AKT3: variants seen among roughly 807,000 people sequenced by gnomAD.
The protein encoded by AKT3 is AKT serine/threonine kinase 3.
Under a neutral mutation model 65.3 loss-of-function variants are expected in AKT3, and 15 were observed. That is an observed-to-expected ratio of 0.23 (90% CI 0.15 to 0.35). AKT3 has a LOEUF of 0.35. Ranked by LOEUF, AKT3 falls within the 10% of genes least tolerant of loss-of-function variation. The pLI, the probability that AKT3 is intolerant of heterozygous loss-of-function variation, is 1.00. For missense variants in AKT3, 243 were observed against 576.5 expected, an observed-to-expected ratio of 0.42 and a Z score of 5.92; for synonymous variants, 206 against 183.8, an observed-to-expected ratio of 1.12 and a Z score of -0.98.
chr1:243,496,010 A>T (rs1667763094), downstream of AKT3, among the ~76,000 whole-genome samples: 1 of 152,206 alleles, frequency 6.6e-6, no homozygotes, highest in Admixed American at 6.5e-5. Flanking sequence ...GCAGAGAAAA[A>T]GAAAGAACCA....
chr1:243,843,141 A>G lies in AKT3; in HGVS notation c.30T>C (p.Gly10=), dbSNP rs1462673399. The G allele has an allele frequency of 2.5e-6, 4 of 1,613,790 alleles. No individual in the cohort carries two copies. The highest frequency in any genetic ancestry group is 2.7e-5 in the African/African-American group (2 of 74,906). The stretch of plus-strand genomic sequence containing the variant: ...AGCACTTACCCCTCTTCTGAACCCA[A>G]CCTTCTTTCACAATGGTAACATCGC... MSDVTIVKE[G]WVQKRGEYIK... Residue 10 remains glycine (G), a synonymous_variant, in exon 2 of 14, where the codon GGT becomes GGC. Coordinates refer to ENST00000673466, the MANE Select transcript of AKT3 (RefSeq NM_005465.7).
intron 9 of AKT3, among the ~76,000 whole-genome samples, chr1:243,571,220 G>A (rs750405128): frequency 7.2e-5 from 11 of 152,202 alleles, no homozygotes; most frequent in Non-Finnish European, 1.5e-4. Context: ...AGGAGGCTGA[G>A]GCAGGAGAAT....
At chr1:243,627,679 C>A (rs1679284584) in intron 6 of AKT3, among the ~76,000 whole-genome samples, 1 of 152,196 alleles carries the variant, frequency 6.6e-6, no homozygotes, top group East Asian at 1.9e-4. Flanking sequence ...CAGGGTCTAA[C>A]CAAACTGTGA....
intron 2 of AKT3, among the ~76,000 whole-genome samples, chr1:243,784,056 A>T (rs991004646): frequency 6.6e-6 from 1 of 152,210 alleles, no homozygotes; most frequent in Non-Finnish European, 1.5e-5. Flanking sequence ...GCCAACAAAA[A>T]TATAAACAAA....
chr1:243,607,969 T>C (rs1001282048), intron 8 of AKT3, among the ~76,000 whole-genome samples: 7 of 152,214 alleles, frequency 4.6e-5, no homozygotes, highest in Non-Finnish European at 1.0e-4. Context: ...TCCACCATGA[T>C]TGTAAGTTTC....
intron 2 of AKT3, among the ~76,000 whole-genome samples, chr1:243,714,942 T>C (rs1686409165): frequency 6.6e-6 from 1 of 152,146 alleles, no homozygotes; most frequent in Non-Finnish European, 1.5e-5. Flanking sequence ...ATATAAACTA[T>C]GTTCTAAAAC....
intron 2 of AKT3, chr1:243,807,979 G>T (rs1692855528): frequency 6.6e-6 from 1 of 152,318 alleles, no homozygotes; most frequent in Admixed American, 6.5e-5. Flanking sequence ...GGTCCTGACT[G>T]TTAGAAGGAA....
chr1:243,698,096 C>T (rs1199033189), intron 2 of AKT3, among the ~76,000 whole-genome samples: 2 of 151,936 alleles, frequency 1.3e-5, no homozygotes, highest in African/African-American at 2.4e-5. Context: ...ACAATTCCCA[C>T]GTTGAAAAAT....
chr1:243,779,853 G>A (rs1000491950), intron 2 of AKT3, among the ~76,000 whole-genome samples: 3 of 152,036 alleles, frequency 2.0e-5, no homozygotes, highest in Non-Finnish European at 4.4e-5. Flanking sequence ...GAATTTAAAA[G>A]CCGGCCTGAA....
intron 11 of AKT3, among the ~76,000 whole-genome samples, chr1:243,548,551 G>A (rs1005371760): frequency 3.9e-5 from 6 of 152,134 alleles, no homozygotes; most frequent in African/African-American, 1.4e-4. Flanking sequence ...AAATTTCAGT[G>A]TCAATGACTC....
chr1:243,510,336 C>T lies in AKT3; in HGVS notation c.1354+1988G>A, dbSNP rs188498169. Among the ~76,000 whole-genome samples the T allele has an allele frequency of 5.9e-5, 9 of 152,270 alleles. No homozygotes were observed. The East Asian group carries it at 7.7e-4, about 13-fold the overall frequency. On this transcript the variant is annotated intron_variant, in intron 13 of 13. Transcript: ENST00000673466. ...TCTAACTAGGAGCTTGGGCTAATAA[C>T]GAATGAGACAAACTAGATCCTTCCT...
At chr1:243,544,859 T>G (rs1464900293) in intron 12 of AKT3, among the ~76,000 whole-genome samples, 11 of 151,760 alleles carry the variant, frequency 7.2e-5, no homozygotes, top group Non-Finnish European at 1.5e-5. Context: ...CCACGCCCAG[T>G]TGATTTTTTT....
rs368583241 is a variant in AKT3 at position 243,489,136 on chromosome 1, C to T, written c.*7-686G>A. The stretch of plus-strand genomic sequence containing the variant: ...TCGGAAGAGGTGGACCGGCTGCGGA[C>T]CCAGGTACTGTGCAGAACGCGGCGC... On this transcript the variant is annotated intron_variant, in intron 13 of 13. Transcript: ENST00000336199. 6 of 1,612,226 alleles carry T rather than the reference C, an allele frequency of 3.7e-6. No individual in the cohort carries two copies. Among genetic ancestry groups the T allele is most frequent in the Non-Finnish European group, 5.1e-6 (6 of 1,179,840 alleles).
In AKT3 at chr1:243,503,007, TTTC is replaced by T; in HGVS notation, c.*2239_*2241del. 1 of 233,462 alleles carries T rather than the reference TTTC, an allele frequency of 4.3e-6. No individual in the cohort carries two copies. The highest frequency in any genetic ancestry group is 8.5e-6 in the Non-Finnish European group (1 of 118,060). The allele number at this position is 233,462 out of a possible 1,614,324, so 14.5% of individuals were successfully genotyped here. On this transcript the variant is annotated 3_prime_UTR_variant, in exon 14 of 14. Transcript: ENST00000673466. ...AGCTTTCTGCTCTTCCTCTCACCTG[TTTC>T]TTTCTTATATAATGGATGCAAGACA...
chr1:243,659,608 G>A (rs1277087090), intron 4 of AKT3, among the ~76,000 whole-genome samples: 1 of 151,880 alleles, frequency 6.6e-6, no homozygotes, highest in Non-Finnish European at 1.5e-5. Flanking sequence ...GCGCAAATAT[G>A]TATATGTGTT....
chr1:243,686,630 C>CAT (rs1553433261), intron 3 of AKT3, among the ~76,000 whole-genome samples: 646 of 18,860 alleles, frequency 0.034, 44 homozygotes, highest in South Asian at 0.047. Context: ...AAATTGTTTT[C>CAT]ATATATATAT....
intron 2 of AKT3, among the ~76,000 whole-genome samples, chr1:243,786,591 CAATT>C (rs775486379): frequency 2.0e-5 from 3 of 151,886 alleles, no homozygotes; most frequent in South Asian, 2.1e-4. Flanking sequence ...TTTCTACTAA[CAATT>C]AAGAGCTCTG....
At chr1:243,652,856 C>T (rs1282927752) in intron 4 of AKT3, among the ~76,000 whole-genome samples, 2 of 135,788 alleles carry the variant, frequency 1.5e-5, no homozygotes, top group Non-Finnish European at 1.6e-5. Flanking sequence ...TCATAAGAGA[C>T]AAAGAAAGGC....
chr1:243,555,659 T>C (rs1175409919), intron 10 of AKT3, among the ~76,000 whole-genome samples: 1 of 152,140 alleles, frequency 6.6e-6, no homozygotes, highest in Non-Finnish European at 1.5e-5. Flanking sequence ...TTCATGGTTA[T>C]TGTGAGGGCT....
Sources: allele counts gnomAD v4.1 joint callset (sites outside exome capture counted in the v4.1 genomes callset), GRCh38; gene constraint gnomAD v4.1.1; transcripts MANE v1.5; gene names NCBI Gene and HGNC (gene_info 2026-07-23, HGNC 2026-07-21).